The following UBR2 variants were observed in gnomAD, a reference collection of about 807,000 sequenced individuals.
UBR2 encodes the protein ubiquitin protein ligase E3 component n-recognin 2, also known as E3 ubiquitin-protein ligase UBR2.
In UBR2, 92 loss-of-function variants were observed where a neutral mutation model predicts 247.9. The observed-to-expected ratio is 0.37, with a 90% CI of 0.31 to 0.44. The LOEUF (loss-of-function observed/expected upper bound fraction) is 0.44. Ranked by LOEUF, UBR2 falls within the 20% of genes least tolerant of loss-of-function variation. The pLI, the probability that UBR2 is intolerant of heterozygous loss-of-function variation, is 1.00. For missense variants in UBR2, 1,613 were observed against 2,112.6 expected (o/e 0.76, Z 4.64); for synonymous variants, 672 against 693.5 (o/e 0.97, Z 0.49).
At chr6:42,590,209 A>G (rs952726545) in intron 2 of UBR2, among the ~76,000 whole-genome samples, 2 of 152,226 alleles carry the variant, frequency 1.3e-5, no homozygotes, top group African/African-American at 4.8e-5. Context: ...AGGGTATATG[A>G]TTGTAAAAGC....
intron 8 of UBR2, among the ~76,000 whole-genome samples, chr6:42,614,279 T>C (rs1794318045): frequency 6.8e-6 from 1 of 146,798 alleles, no homozygotes. Flanking sequence ...CACGTACATA[T>C]ATATGTATGC....
intron 15 of UBR2, among the ~76,000 whole-genome samples, chr6:42,638,125 T>C (rs1796218503): frequency 6.6e-6 from 1 of 152,224 alleles, no homozygotes; most frequent in South Asian, 2.1e-4. Context: ...AGTCATCTCA[T>C]CTGATGCTTT....
chr6:42,597,829 T>C lies in UBR2; in HGVS notation c.531+3525T>C, dbSNP rs369398069. On this transcript the variant is annotated intron_variant, in intron 4 of 46. Coordinates refer to ENST00000372901, the MANE Select transcript of UBR2 (RefSeq NM_001363705.2). ...TACTTGGGAGGCTGAGGCAAGAGAA[T>C]CGCTTGAACCCGAGAGGCAGAAGTT... 1.1e-4 allele frequency among the ~76,000 whole-genome samples: 16 copies of C among 151,844 alleles called. No homozygotes were observed. In the East Asian group the frequency reaches 2.7e-3, roughly 26 times the overall value.
chr6:42,683,974 T>C (rs143002747), intron 43 of UBR2, among the ~76,000 whole-genome samples: 1 of 152,352 alleles, frequency 6.6e-6, no homozygotes, highest in East Asian at 1.9e-4. Flanking sequence ...AGAGATTATC[T>C]GTCCTATTTG....
At chr6:42,632,754 T>C in intron 12 of UBR2, 39 bp downstream of exon 12, 1 of 1,592,214 alleles carries the variant, frequency 6.3e-7, no homozygotes, top group Non-Finnish European at 8.5e-7. Context: ...TTGCAATTTA[T>C]AGAAAGTCAA....
At chr6:42,683,488 A>G (rs1456424220) in intron 43 of UBR2, among the ~76,000 whole-genome samples, 2 of 152,160 alleles carry the variant, frequency 1.3e-5, no homozygotes, top group African/African-American at 4.8e-5. Context: ...ACCTTCAATA[A>G]CTATCAGTCA....
intron 44 of UBR2, among the ~76,000 whole-genome samples, chr6:42,685,199 T>C (rs1799306462): frequency 6.6e-6 from 1 of 152,068 alleles, no homozygotes; most frequent in Admixed American, 6.6e-5. Flanking sequence ...TAATCGCAGC[T>C]ACTCGGGAGG....
chr6:42,625,595 A>G (rs1003341604), intron 11 of UBR2, among the ~76,000 whole-genome samples: 1 of 151,900 alleles, frequency 6.6e-6, no homozygotes, highest in African/African-American at 2.4e-5. Context: ...GACTACAGGC[A>G]TGCACCACCA....
At position 42,606,586 on chromosome 6, in the gene UBR2, CA is replaced by C; in HGVS notation, c.802-2del. 1 of 1,609,250 alleles carries C rather than the reference CA, an allele frequency of 6.2e-7. No homozygotes were observed. Among genetic ancestry groups the C allele is most frequent in the Non-Finnish European group, 8.5e-7 (1 of 1,177,788 alleles). ...TACAGCTTAATTTTAAATATCTTTA[CA>C]GGGGCGTAGGTCTGTTCGATATGGA... On this transcript the variant is annotated splice_acceptor_variant, in intron 6 of 46. Coordinates refer to ENST00000372901, the MANE Select transcript of UBR2 (RefSeq NM_001363705.2). LOFTEE classifies it high-confidence loss of function.
chr6:42,598,990 C>T (rs6941663), intron 4 of UBR2, among the ~76,000 whole-genome samples: 103,120 of 151,930 alleles, frequency 0.68, 35,589 homozygotes, highest in African/African-American at 0.81. Flanking sequence ...TATTACTGTG[C>T]TGCCCAGGCT....
chr6:42,578,208 G>C (rs536378896), intron 2 of UBR2, among the ~76,000 whole-genome samples: 6 of 152,124 alleles, frequency 3.9e-5, no homozygotes, highest in Non-Finnish European at 7.3e-5. Flanking sequence ...GGGGTGATAA[G>C]TAGAGGGTTC....
Position 42,665,526 on chromosome 6 carries a change from A to T in UBR2, c.3802+14A>T, listed in dbSNP as rs1316112602. The T allele has an allele frequency of 6.3e-7, 1 of 1,578,022 alleles. No individual in the cohort carries two copies. Among genetic ancestry groups the T allele is most frequent in the Non-Finnish European group, 8.7e-7 (1 of 1,154,778 alleles). On this transcript the variant is annotated intron_variant, in intron 33 of 46. Coordinates refer to ENST00000372901, the MANE Select transcript of UBR2 (RefSeq NM_001363705.2). ...AAAGTACTCCTAGTAAGTTCTGGTA[A>T]CCTGTTTTCATTTTTCCCTAAAGTC...
Position 42,658,632 on chromosome 6 carries a change from G to A in UBR2, c.3064-14G>A. On this transcript the variant is annotated splice_polypyrimidine_tract_variant and intron_variant, in intron 28 of 46. Coordinates refer to ENST00000372901, the MANE Select transcript of UBR2 (RefSeq NM_001363705.2). ...TAGCATCTAATTGTCTAATTGAATGGAGCATAATTTCAGAGTTCAAGGGAC... is the reference window on the plus strand; with the variant it reads ...TAGCATCTAATTGTCTAATTGAATGAAGCATAATTTCAGAGTTCAAGGGAC... 1 of 1,588,344 alleles carries A rather than the reference G, an allele frequency of 6.3e-7. No individual in the cohort carries two copies. The highest frequency in any genetic ancestry group is 2.3e-5 in the East Asian group (1 of 44,356).
Position 42,564,310 on chromosome 6 carries a change from A to G in UBR2, c.-10A>G. ...GGCGGCGGTAGCGCTGGGGAGGAGG[A>G]GGAGAGAAGATGGCGTCGGAGCTAG... is the stretch of plus-strand genomic sequence containing the variant. On this transcript the variant is annotated 5_prime_UTR_variant, in exon 1 of 47. Transcript: ENST00000372901. The G allele has an allele frequency of 6.2e-7, 1 of 1,607,812 alleles. No homozygotes were observed. Among genetic ancestry groups the G allele is most frequent in the Admixed American group, 1.7e-5 (1 of 58,902 alleles).
In UBR2 at chr6:42,692,186, A is replaced by G. The variant is rs1371942572; in HGVS notation, c.*1013A>G. On this transcript the variant is annotated 3_prime_UTR_variant, in exon 47 of 47. Coordinates refer to ENST00000372901, the MANE Select transcript of UBR2 (RefSeq NM_001363705.2). The stretch of plus-strand genomic sequence containing the variant: ...TATCTGTATTCTTTTAGAATACCCT[A>G]ATGTTTCAGACAGTGATATTCTCTT... 1.3e-5 allele frequency: 2 copies of G among 152,170 alleles called. No homozygotes were observed. Among genetic ancestry groups the G allele is most frequent in the Non-Finnish European group, 2.9e-5 (2 of 68,028 alleles). The allele number at this position is 152,170 out of a possible 1,614,324, so 9.4% of individuals were successfully genotyped here. A position where few individuals can be genotyped will look rare whatever the true frequency, so the allele number is the denominator to read the frequency against.
chr6:42,655,584 T>A (rs1238726024), intron 25 of UBR2, 37 bp from the exon 26 acceptor site: 5 of 1,308,656 alleles, frequency 3.8e-6, no homozygotes, highest in Non-Finnish European at 5.2e-6. Context: ...CTTGATTTTT[T>A]AAATTTTTAC....
chr6:42,586,538 C>CTTTTTTTTTTTTTTTTTTTTTTTTCTT (rs147830824), intron 2 of UBR2, among the ~76,000 whole-genome samples: 1 of 97,256 alleles, frequency 1.0e-5, no homozygotes, highest in Non-Finnish European at 1.9e-5. Flanking sequence ...GTTTGTCTCT[C>CTTTTTTTTTTTTTTTTTTTTTTTTCTT]TTTTTTTTTT....
chr6:42,609,202 C>T (rs966837213), intron 7 of UBR2, among the ~76,000 whole-genome samples: 1 of 152,154 alleles, frequency 6.6e-6, no homozygotes, highest in African/African-American at 2.4e-5. Context: ...AGCTTTACCT[C>T]ACCTAGGAAT....
intron 1 of UBR2, among the ~76,000 whole-genome samples, chr6:42,572,717 T>G (rs571253141): frequency 1.4e-5 from 2 of 147,348 alleles, no homozygotes; most frequent in African/African-American, 4.9e-5. Flanking sequence ...AAGTGAGTCT[T>G]TTTTTTTTTT....
Sources: gnomAD v4.1 joint callset for allele counts (sites outside exome capture counted in the v4.1 genomes callset) on GRCh38, gnomAD v4.1.1 for gene constraint, MANE v1.5 for transcripts, NCBI Gene and HGNC (gene_info 2026-07-23, HGNC 2026-07-21) for gene names.